Variants in CDH18 observed in about 807,000 individuals in gnomAD.
CDH18 encodes cadherin 18.
A neutral mutation model predicts 67.9 loss-of-function variants in CDH18; 31 were observed. That is an observed-to-expected ratio of 0.46 (90% CI 0.34 to 0.62). The LOEUF (loss-of-function observed/expected upper bound fraction) is 0.62. CDH18 is among the 20% of genes least tolerant of loss of function. The pLI, the probability that CDH18 is intolerant of heterozygous loss-of-function variation, is 0.01. For missense variants in CDH18, 890 were observed against 975.5 expected (o/e 0.91, Z 1.17); for synonymous variants, 362 against 347.2 (o/e 1.04, Z -0.48).
intron 3 of CDH18, 91 bp downstream of exon 3, chr5:19,838,668 G>A: frequency 1.2e-6 from 1 of 819,464 alleles, no homozygotes; most frequent in Non-Finnish European, 2.0e-6. Context: ...TGCTTCATTT[G>A]TCTATCTCTT....
intron 9 of CDH18, among the ~76,000 whole-genome samples, chr5:19,532,639 C>G (rs1748813517): frequency 1.3e-5 from 2 of 152,030 alleles, no homozygotes; most frequent in South Asian, 4.1e-4. Flanking sequence ...AACAAGAAGT[C>G]TAAGATTAAG....
At chr5:20,294,528 T>A (rs1747342108) in intron 1 of CDH18, among the ~76,000 whole-genome samples, 1 of 152,222 alleles carries the variant, frequency 6.6e-6, no homozygotes, top group Admixed American at 6.5e-5. Flanking sequence ...GATTTTGATT[T>A]CTTTGTGAGG....
intron 1 of CDH18, among the ~76,000 whole-genome samples, chr5:20,517,951 T>A (rs1380992274): frequency 1.3e-5 from 2 of 152,054 alleles, no homozygotes; most frequent in African/African-American, 4.8e-5. Flanking sequence ...TGGAACAGGT[T>A]GAATTCTAAA....
chr5:20,543,185 T>C (rs116696270), intron 1 of CDH18, among the ~76,000 whole-genome samples: 1,853 of 152,140 alleles, frequency 0.012, 30 homozygotes, highest in African/African-American at 0.042. Context: ...TGGTTAAACC[T>C]GCATCAAAAC....
intron 1 of CDH18, among the ~76,000 whole-genome samples, chr5:20,288,444 G>GATAT (rs10534377): frequency 2.4e-4 from 35 of 148,044 alleles, no homozygotes; most frequent in African/African-American, 4.2e-4. Context: ...CAAAAAATAC[G>GATAT]ATATATATAT....
chr5:19,761,375 T>C (rs1356112269), intron 3 of CDH18, among the ~76,000 whole-genome samples: 1 of 152,178 alleles, frequency 6.6e-6, no homozygotes, highest in Admixed American at 6.5e-5. Context: ...TAGTCAAAGG[T>C]ATTATGTATA....
chr5:19,641,240 G>A (rs147646036), intron 5 of CDH18, among the ~76,000 whole-genome samples: 179 of 150,980 alleles, frequency 1.2e-3, no homozygotes, highest in African/African-American at 4.2e-3. Context: ...GTATCTTCAT[G>A]GTTATATTCC....
intron 2 of CDH18, among the ~76,000 whole-genome samples, chr5:19,966,790 T>A (rs1277160420): frequency 2.6e-5 from 4 of 152,152 alleles, no homozygotes. Flanking sequence ...AGAATTTCAC[T>A]TCATTAACAT....
chr5:19,852,836 A>G (rs534825043), intron 2 of CDH18, among the ~76,000 whole-genome samples: 1 of 152,166 alleles, frequency 6.6e-6, no homozygotes, highest in African/African-American at 2.4e-5. Context: ...AACAGAACAC[A>G]TGTATTCTTC....
intron 2 of CDH18, among the ~76,000 whole-genome samples, chr5:19,846,204 G>C (rs1159157834): frequency 6.6e-6 from 1 of 151,564 alleles, no homozygotes; most frequent in Non-Finnish European, 1.5e-5. Flanking sequence ...CATACAATGG[G>C]ACTTACAGAA....
chr5:20,074,340 G>A (rs1203913076), intron 2 of CDH18, among the ~76,000 whole-genome samples: 10 of 151,814 alleles, frequency 6.6e-5, no homozygotes, highest in South Asian at 6.2e-4. Flanking sequence ...TTAACAGTTC[G>A]GGATGGCACT....
chr5:19,624,075 T>C (rs1284577340), intron 5 of CDH18, among the ~76,000 whole-genome samples: 2 of 151,236 alleles, frequency 1.3e-5, no homozygotes, highest in African/African-American at 2.4e-5. Context: ...TGGCGCCATC[T>C]TGGCTCACTG....
At chr5:20,518,767 C>T (rs1261567738) in intron 1 of CDH18, among the ~76,000 whole-genome samples, 1 of 152,176 alleles carries the variant, frequency 6.6e-6, no homozygotes, top group African/African-American at 2.4e-5. Context: ...GAAGTCCCTT[C>T]TCATGGCCAA....
At chr5:19,874,670 G>T (rs191740634) in intron 2 of CDH18, among the ~76,000 whole-genome samples, 6 of 152,184 alleles carry the variant, frequency 3.9e-5, no homozygotes, top group East Asian at 1.9e-4. Context: ...TAAAGAGAGA[G>T]AAATTGAATT....
chr5:19,484,036 T>C (rs974825950), intron 11 of CDH18, among the ~76,000 whole-genome samples: 3 of 152,218 alleles, frequency 2.0e-5, no homozygotes, highest in Non-Finnish European at 2.9e-5. Context: ...AATATTTCTA[T>C]GGAGACAGTA....
At chr5:19,599,086 TATC>T (rs1746641495) in intron 6 of CDH18, among the ~76,000 whole-genome samples, 1 of 152,152 alleles carries the variant, frequency 6.6e-6, no homozygotes, top group African/African-American at 2.4e-5. Flanking sequence ...ATTGTAGTGA[TATC>T]ATATTTAGTA....
rs577782233 is a variant in CDH18, at chr5:19,518,897, C to T, written c.1512+1760G>A. Reference sequence around the variant, plus strand: ...ATTAGTTCTGTCTCTCTAGAGAACTCTGACTAATACATTATGCCAACTAAA... The same window carrying T: ...ATTAGTTCTGTCTCTCTAGAGAACTTTGACTAATACATTATGCCAACTAAA... On this transcript the variant is annotated intron_variant, in intron 10 of 12. Transcript: ENST00000382275. Among the ~76,000 whole-genome samples the T allele has an allele frequency of 1.2e-4, 19 of 152,262 alleles. No homozygotes were observed. In the South Asian group the frequency reaches 3.9e-3, roughly 32 times the overall value.
chr5:19,616,735 A>G (rs1184178105), intron 5 of CDH18, among the ~76,000 whole-genome samples: 1 of 152,132 alleles, frequency 6.6e-6, no homozygotes, highest in Non-Finnish European at 1.5e-5. Flanking sequence ...ACAAAATACC[A>G]TAGGCTGGGT....
At chr5:19,633,833 T>C (rs537052922) in intron 5 of CDH18, among the ~76,000 whole-genome samples, 2 of 152,254 alleles carry the variant, frequency 1.3e-5, no homozygotes, top group Non-Finnish European at 2.9e-5. Context: ...GGTTTCATCA[T>C]GTTGCCCAGG....
Sources: gnomAD v4.1 joint callset for allele counts (sites outside exome capture counted in the v4.1 genomes callset) on GRCh38, gnomAD v4.1.1 for gene constraint, MANE v1.5 for transcripts, NCBI Gene and HGNC (gene_info 2026-07-23, HGNC 2026-07-21) for gene names.